Variants in B3GALT9 observed in about 807,000 individuals in gnomAD.
B3GALT9 encodes beta-1,3-galactosyltransferase 9, also known as UDP-GlcNAc:betaGal beta-1,3-N-acetylglucosaminyltransferase 10 (putative).
At chr9:120,798,228 A>G (rs1404414842) in intron 2 of B3GALT9, among the ~76,000 whole-genome samples, 2 of 152,234 alleles carry the variant, frequency 1.3e-5, no homozygotes, top group Admixed American at 6.5e-5. Flanking sequence ...AGTTATATCC[A>G]TGTGTCTGTG....
At chr9:120,797,184 T>C (rs754411847) in intron 2 of B3GALT9, among the ~76,000 whole-genome samples, 9 of 151,426 alleles carry the variant, frequency 5.9e-5, no homozygotes, top group Non-Finnish European at 1.3e-4. Context: ...TAAGTAAAGA[T>C]AGGAATTGTG....
At position 120,799,149 on chromosome 9, in the gene B3GALT9, T is replaced by TAGACAAGGTAGA; in HGVS notation, c.585_586insAAGGTAGAAGAC (p.Asp195_Tyr196insLysValGluAsp). On this transcript the variant is annotated inframe_insertion, in exon 3 of 3. Transcript: ENST00000689072. ...ACGTTTGTCAATCTACCAAGCTTGGTAGACTATCTTCTCAATCTGAAAGAA... is the reference window on the plus strand; with the variant it reads ...ACGTTTGTCAATCTACCAAGCTTGGTAGACAAGGTAGAAGACTATCTTCTCAATCTGAAAGAA... 2.5e-6 allele frequency: 1 copy of TAGACAAGGTAGA among 398,956 alleles called. No homozygotes were observed. Among genetic ancestry groups the TAGACAAGGTAGA allele is most frequent in the Non-Finnish European group, 4.4e-6 (1 of 226,070 alleles). The allele number at this position is 398,956 out of a possible 1,614,324, so 24.7% of individuals were successfully genotyped here. A position where few individuals can be genotyped will look rare whatever the true frequency, so the allele number is the denominator to read the frequency against.
In B3GALT9 at chr9:120,799,313, A is replaced by G. The variant is rs2044956920; in HGVS notation, c.745A>G (p.Met249Val). ...TTACTGCAGTGGTGAGGCCTTTATA[A>G]TGTCCCAAGATGTGGCTCGAATGAT... The part of the protein sequence containing the change: ...PDYCSGEAFI[M>V]SQDVARMMYV... Residue 249 changes from methionine (M) to valine (V), a missense_variant, in exon 3 of 3, where the codon ATG becomes GTG. By Grantham distance (21) the Met-to-Val change is conservative. Transcript: ENST00000689072. 1 of 399,510 alleles carries G rather than the reference A, an allele frequency of 2.5e-6. No homozygotes were observed. The highest frequency in any genetic ancestry group is 4.4e-6 in the Non-Finnish European group (1 of 226,166). The allele number at this position is 399,510 out of a possible 1,614,324, so 24.7% of individuals were successfully genotyped here.
At position 120,801,746 on chromosome 9, in the gene B3GALT9, C is replaced by CAAAAT. The variant is rs544976556; in HGVS notation, c.*2082_*2086dup. ...CAGTCTGAGACTCTATCTCAAAAAA[C>CAAAAT]AAAATAAAATAAAATAAATAAAGTG... On this transcript the variant is annotated 3_prime_UTR_variant, in exon 3 of 3. Coordinates refer to ENST00000689072, the MANE Select transcript of B3GALT9 (RefSeq NM_001386823.1). 2.0e-5 allele frequency among the ~76,000 whole-genome samples: 3 copies of CAAAAT among 151,990 alleles called. No individual in the cohort carries two copies. Among genetic ancestry groups the CAAAAT allele is most frequent in the African/African-American group, 7.3e-5 (3 of 41,318 alleles).
At chr9:120,796,792 C>G (rs1213760779) in intron 2 of B3GALT9, among the ~76,000 whole-genome samples, 183 bp downstream of exon 2, 1 of 152,100 alleles carries the variant, frequency 6.6e-6, no homozygotes, top group Admixed American at 6.5e-5. Context: ...TGCGGTGGCT[C>G]ACGCCTGTCA....
At position 120,799,640 on chromosome 9, in the gene B3GALT9, G is replaced by A. The variant is rs1172826298; in HGVS notation, c.1072G>A (p.Gly358Arg). The A allele has an allele frequency of 2.5e-6, 1 of 399,086 alleles. No homozygotes were observed. The highest frequency in any genetic ancestry group is 2.1e-5 in the African/African-American group (1 of 48,566). The allele number at this position is 399,086 out of a possible 1,614,324, so 24.7% of individuals were successfully genotyped here. The change falls in exon 3 of 3, where the codon GGG (glycine) becomes AGG (arginine). Residue 358 changes from glycine to arginine, a missense_variant. Transcript: ENST00000689072. ...TGACAGCTTTAAACGTTTTCACATGGGGACCATAAAAAACAATCTCATGTA... is the reference window on the plus strand; with the variant it reads ...TGACAGCTTTAAACGTTTTCACATGAGGACCATAAAAAACAATCTCATGTA... ...YLDSFKRFHM[G>R]TIKNNLMYFA...
rs2044970079 is a variant in B3GALT9, at chr9:120,801,706, C to T, written c.*2028C>T. On this transcript the variant is annotated 3_prime_UTR_variant, in exon 3 of 3. Transcript: ENST00000689072. ...AGTGAGCCGAGATCATGCCACTGCA[C>T]TCCAGCCTGGGCAACAGTCTGAGAC... is the stretch of plus-strand genomic sequence containing the variant. Among the ~76,000 whole-genome samples the T allele has an allele frequency of 6.6e-6, 1 of 152,206 alleles. No homozygotes were observed.
chr9:120,799,250 G>C lies in B3GALT9; in HGVS notation c.682G>C (p.Val228Leu), dbSNP rs1013818879. Residue 228 changes from valine (V) to leucine (L), a missense_variant, in exon 3 of 3, where the codon GTC becomes CTC. By Grantham distance (32) the Val-to-Leu change is conservative. Coordinates refer to ENST00000689072, the MANE Select transcript of B3GALT9 (RefSeq NM_001386823.1). ...TAGAGATCCTCAGAACAGAGACTTT[G>C]TCCCTCTTAGTGAGTACCCAGAAAA... ...PNRDPQNRDF[V>L]PLSEYPEKYY... The C allele has an allele frequency of 2.5e-5, 10 of 399,294 alleles. No homozygotes were observed. The South Asian group carries it at 3.8e-4, about 15-fold the overall frequency. 24.7% of individuals were successfully genotyped at this position (399,294 alleles called of 1,614,324 possible).
rs2044953813 is a variant in B3GALT9 at position 120,798,783 on chromosome 9, T to A, written c.215T>A (p.Val72Asp). ...PLRSNLSKYY[V>D]LSQSEICKGK... is the part of the protein sequence containing the mutation. The stretch of plus-strand genomic sequence containing the variant: ...AGAAGTAATCTCTCCAAATATTATG[T>A]CCTGAGCCAGTCAGAAATATGTAAA... The change falls in exon 3 of 3, where the codon GTC becomes GAC. Residue 72 changes from valine to aspartate, a missense_variant. Transcript: ENST00000689072. 2 of 399,012 alleles carry A rather than the reference T, an allele frequency of 5.0e-6. No homozygotes were observed. The highest frequency in any genetic ancestry group is 2.1e-5 in the African/African-American group (1 of 48,616). 24.7% of individuals were successfully genotyped at this position (399,012 alleles called of 1,614,324 possible).
chr9:120,793,574 C>A lies in B3GALT9; in HGVS notation c.-530C>A. 5.0e-6 allele frequency: 2 copies of A among 400,298 alleles called. No individual in the cohort carries two copies. Among genetic ancestry groups the A allele is most frequent in the Non-Finnish European group, 8.8e-6 (2 of 227,050 alleles). 24.8% of individuals were successfully genotyped at this position (400,298 alleles called of 1,614,324 possible). A position where few individuals can be genotyped will look rare whatever the true frequency, so the allele number is the denominator to read the frequency against. On this transcript the variant is annotated 5_prime_UTR_variant, in exon 1 of 3. Coordinates refer to ENST00000689072, the MANE Select transcript of B3GALT9 (RefSeq NM_001386823.1). ...CTGAACGCGTGCCGCGCGGCCCTCA[C>A]GGTGCTTAGGCTGGGTGCAACCTAG...
In B3GALT9 at chr9:120,793,870, G is replaced by A. The variant is rs2044910701; in HGVS notation, c.-234G>A. 5 of 384,720 alleles carry A rather than the reference G, an allele frequency of 1.3e-5. No individual in the cohort carries two copies. The highest frequency in any genetic ancestry group is 2.3e-5 in the Non-Finnish European group (5 of 217,908). The allele number at this position is 384,720 out of a possible 1,614,324, so 23.8% of individuals were successfully genotyped here. ...ACCGCCTGGGCCTTACATCTATTAG[G>A]AGGAGGAAGACAGATAAACTAAGGC... On this transcript the variant is annotated 5_prime_UTR_variant, in exon 1 of 3. Transcript: ENST00000689072.
intron 2 of B3GALT9, 134 bp from the exon 3 acceptor site, chr9:120,798,437 AATAG>A (rs1469950162): frequency 5.0e-6 from 2 of 397,422 alleles, no homozygotes; most frequent in Non-Finnish European, 8.9e-6. Flanking sequence ...TAGTGGAAGA[AATAG>A]ATAATATATC....
At chr9:120,797,642 GA>G (rs1450771605) in intron 2 of B3GALT9, among the ~76,000 whole-genome samples, 1 of 152,124 alleles carries the variant, frequency 6.6e-6, no homozygotes, top group Non-Finnish European at 1.5e-5. Context: ...GCTTAATTAC[GA>G]AAATAACATA....
At position 120,799,531 on chromosome 9, in the gene B3GALT9, A is replaced by G. The variant is rs1255809147; in HGVS notation, c.963A>G (p.Ala321=). The G allele has an allele frequency of 5.0e-6, 2 of 399,622 alleles. No homozygotes were observed. The highest frequency in any genetic ancestry group is 4.4e-6 in the Non-Finnish European group (1 of 226,234). The allele number at this position is 399,622 out of a possible 1,614,324, so 24.8% of individuals were successfully genotyped here. Reference sequence around the variant, plus strand: ...TTGCAGATCCTGAAATGCCCCTAGCATGGAAGGAAATTAATGATGGAAAAG... The same window carrying G: ...TTGCAGATCCTGAAATGCCCCTAGCGTGGAAGGAAATTAATGATGGAAAAG... ...SEIADPEMPL[A]WKEINDGKEC... is the part of the protein sequence containing the mutation. The change falls in exon 3 of 3, where the codon GCA becomes GCG. Residue 321 remains alanine (A), a synonymous_variant. Transcript: ENST00000689072.
In B3GALT9 at chr9:120,793,657, C is replaced by T. The variant is rs1255095471; in HGVS notation, c.-447C>T. The T allele has an allele frequency of 1.0e-5, 4 of 398,658 alleles. No homozygotes were observed. Among genetic ancestry groups the T allele is most frequent in the Non-Finnish European group, 1.8e-5 (4 of 226,150 alleles). The allele number at this position is 398,658 out of a possible 1,614,324, so 24.7% of individuals were successfully genotyped here. A position where few individuals can be genotyped will look rare whatever the true frequency, so the allele number is the denominator to read the frequency against. On this transcript the variant is annotated 5_prime_UTR_variant, in exon 1 of 3. Transcript: ENST00000689072. The stretch of plus-strand genomic sequence containing the variant: ...TTTGCACAGCGCGCTTATGTCCCTC[C>T]TCCAATCTGATCTTGCACCAGCTCT...
rs2131404422 is a variant in B3GALT9, at chr9:120,796,558, C to T, written c.-46C>T. ...GAGATGCGTTTGGGCATAATTGGCA[C>T]CTGGACTCAATAATTTCTAAGACCC... On this transcript the variant is annotated 5_prime_UTR_variant, in exon 2 of 3. Transcript: ENST00000689072. 6.6e-6 allele frequency: 1 copy of T among 152,278 alleles called. No homozygotes were observed. The highest frequency in any genetic ancestry group is 1.9e-4 in the East Asian group (1 of 5,188). 9.4% of individuals were successfully genotyped at this position (152,278 alleles called of 1,614,324 possible). A position where few individuals can be genotyped will look rare whatever the true frequency, so the allele number is the denominator to read the frequency against.
rs2044908981 is a variant in B3GALT9 at position 120,793,732 on chromosome 9, G to A, written c.-372G>A. 2.5e-6 allele frequency: 1 copy of A among 398,588 alleles called. No homozygotes were observed. Among genetic ancestry groups the A allele is most frequent in the Non-Finnish European group, 4.4e-6 (1 of 226,076 alleles). The allele number at this position is 398,588 out of a possible 1,614,324, so 24.7% of individuals were successfully genotyped here. A position where few individuals can be genotyped will look rare whatever the true frequency, so the allele number is the denominator to read the frequency against. On this transcript the variant is annotated 5_prime_UTR_variant, in exon 1 of 3. Transcript: ENST00000689072. ...ATTTTACGGAGGAGAGGGAGCTGTG[G>A]CTTAGAGAAGTTAAGAGACGTGTCC...
chr9:120,797,701 T>C (rs1468592027), intron 2 of B3GALT9, among the ~76,000 whole-genome samples: 2 of 152,140 alleles, frequency 1.3e-5, no homozygotes, highest in African/African-American at 4.8e-5. Context: ...CACATAAAAG[T>C]GCTTATCGCA....
Position 120,793,800 on chromosome 9 carries a change from G to T in B3GALT9, c.-304G>T. 1 of 395,428 alleles carries T rather than the reference G, an allele frequency of 2.5e-6. No homozygotes were observed. The highest frequency in any genetic ancestry group is 4.5e-6 in the Non-Finnish European group (1 of 224,468). The allele number at this position is 395,428 out of a possible 1,614,324, so 24.5% of individuals were successfully genotyped here. On this transcript the variant is annotated 5_prime_UTR_variant, in exon 1 of 3. Transcript: ENST00000689072. ...TGGGCACCTCTTTATCCCGAACGCT[G>T]TTCTAGGGGATAGGGTTAGTGAACA...
Sources: allele counts gnomAD v4.1 joint callset (sites outside exome capture counted in the v4.1 genomes callset), GRCh38; gene constraint gnomAD v4.1.1; transcripts MANE v1.5; gene names NCBI Gene and HGNC (gene_info 2026-07-23, HGNC 2026-07-21).